Variants in CMIP observed in about 807,000 individuals in gnomAD.
CMIP encodes the protein c-Maf inducing protein.
Under a neutral mutation model 97.3 loss-of-function variants are expected in CMIP, and 13 were observed. The observed-to-expected ratio is 0.13, with a 90% CI of 0.09 to 0.21. The LOEUF is 0.21. Ranked by LOEUF, CMIP falls within the 10% of genes least tolerant of loss-of-function variation. The probability of loss-of-function intolerance (pLI) is 1.00; values close to 1 mark genes in which losing one functional copy is unlikely to be tolerated. For synonymous variants in CMIP, 538 were observed against 436.3 expected, an observed-to-expected ratio of 1.23 and a Z score of -2.91; for missense variants, 847 against 1,024.9, an observed-to-expected ratio of 0.83 and a Z score of 2.37.
chr16:81,498,668 A>C (rs1345371804), intron 1 of CMIP, among the ~76,000 whole-genome samples: 1 of 152,180 alleles, frequency 6.6e-6, no homozygotes, highest in East Asian at 1.9e-4. Context: ...ACGTGTGTGC[A>C]TGCATACACC....
rs116867614 is a variant in CMIP, at chr16:81,561,112, G to C, written c.301-46455G>C. On this transcript the variant is annotated intron_variant, in intron 1 of 20. Coordinates refer to ENST00000537098, the MANE Select transcript of CMIP (RefSeq NM_198390.3). ...TGGGATTACAGGCACATGCCACCAC[G>C]CTTGGCTACTTTTTGTAGTTTTTAT... 2.0e-3 allele frequency among the ~76,000 whole-genome samples: 297 copies of C among 152,266 alleles called. 10 individuals carry two copies. The East Asian group carries it at 0.048, about 25-fold the overall frequency.
intron 1 of CMIP, among the ~76,000 whole-genome samples, chr16:81,538,603 G>T (rs1277305733): frequency 6.6e-6 from 1 of 152,132 alleles, no homozygotes. Flanking sequence ...TCTTGGTCTG[G>T]TCTTGATCCT....
At chr16:81,549,121 G>A (rs1210072477) in intron 1 of CMIP, among the ~76,000 whole-genome samples, 1 of 152,228 alleles carries the variant, frequency 6.6e-6, no homozygotes, top group Non-Finnish European at 1.5e-5. Flanking sequence ...GTCAGGGAAA[G>A]GGGCTTTTCT....
intron 1 of CMIP, among the ~76,000 whole-genome samples, chr16:81,578,603 G>A (rs1026789116): frequency 6.6e-6 from 1 of 152,182 alleles, no homozygotes; most frequent in African/African-American, 2.4e-5. Flanking sequence ...GGTCCCTTCA[G>A]TCCATAAAGT....
At chr16:81,510,693 T>C (rs2089794401) in intron 1 of CMIP, among the ~76,000 whole-genome samples, 3 of 152,206 alleles carry the variant, frequency 2.0e-5, no homozygotes, top group Admixed American at 1.3e-4. Flanking sequence ...ACAAAAAAAA[T>C]CACAAATCAC....
At chr16:81,670,009 G>A (rs1487179819) in intron 7 of CMIP, 133 bp from the exon 8 acceptor site, 27 of 754,344 alleles carry the variant, frequency 3.6e-5, no homozygotes, top group Non-Finnish European at 5.6e-5. Flanking sequence ...GAGGGTTGGT[G>A]TCTCCCCATT....
At chr16:81,709,345 G>A (rs980725185) in intron 20 of CMIP, among the ~76,000 whole-genome samples, 7 of 152,166 alleles carry the variant, frequency 4.6e-5, no homozygotes, top group Admixed American at 4.6e-4. Flanking sequence ...TTAACCCCTA[G>A]CACCATCCTT....
At chr16:81,495,283 T>G (rs1017538331) in intron 1 of CMIP, 50 of 1,420,922 alleles carry the variant, frequency 3.5e-5, no homozygotes, top group Non-Finnish European at 4.4e-5. Context: ...AAGCAGAGGA[T>G]GAACCCTCTG....
chr16:81,636,670 T>C (rs920219484), intron 3 of CMIP, among the ~76,000 whole-genome samples: 4 of 152,048 alleles, frequency 2.6e-5, no homozygotes, highest in Non-Finnish European at 5.9e-5. Context: ...TTCCAATTTC[T>C]GAAATCTTTG....
chr16:81,660,420 G>A (rs367730585), intron 5 of CMIP, among the ~76,000 whole-genome samples: 11 of 151,898 alleles, frequency 7.2e-5, no homozygotes, highest in African/African-American at 1.7e-4. Flanking sequence ...TTACAGGGGC[G>A]CACACCACCA....
At chr16:81,473,374 G>A (rs1458844232) in intron 1 of CMIP, among the ~76,000 whole-genome samples, 1 of 152,206 alleles carries the variant, frequency 6.6e-6, no homozygotes, top group African/African-American at 2.4e-5. Context: ...TCAGGACTGA[G>A]CTGTTTTCCT....
chr16:81,644,741 T>C (rs1279563236), intron 3 of CMIP, among the ~76,000 whole-genome samples: 1 of 152,194 alleles, frequency 6.6e-6, no homozygotes, highest in Non-Finnish European at 1.5e-5. Context: ...CAGCCAGCCA[T>C]TGTCCCCGGG....
At chr16:81,583,088 G>C (rs1194635734) in intron 1 of CMIP, among the ~76,000 whole-genome samples, 1 of 152,244 alleles carries the variant, frequency 6.6e-6, no homozygotes, top group Admixed American at 6.5e-5. Context: ...AAGGGCCTTG[G>C]CACTCAGAGG....
intron 1 of CMIP, among the ~76,000 whole-genome samples, chr16:81,450,349 C>A (rs750044153): frequency 6.6e-6 from 1 of 152,148 alleles, no homozygotes; most frequent in Admixed American, 6.5e-5. Context: ...GTTCTCATGG[C>A]GCTGGATCTG....
chr16:81,577,169 A>G (rs964851704), intron 1 of CMIP, among the ~76,000 whole-genome samples: 1 of 145,308 alleles, frequency 6.9e-6, no homozygotes, highest in African/African-American at 2.7e-5. Flanking sequence ...CCACTACATT[A>G]TTATCACTAT....
intron 1 of CMIP, among the ~76,000 whole-genome samples, chr16:81,531,878 C>T (rs180986045): frequency 6.6e-6 from 1 of 152,310 alleles, no homozygotes; most frequent in Non-Finnish European, 1.5e-5. Flanking sequence ...ATTATCTCAC[C>T]TCCATTGCTA....
chr16:81,452,135 C>A (rs527728066), intron 1 of CMIP, among the ~76,000 whole-genome samples: 2 of 152,306 alleles, frequency 1.3e-5, no homozygotes, highest in Non-Finnish European at 1.5e-5. Flanking sequence ...GCACAGCGCT[C>A]GTCCTGGCAT....
At chr16:81,679,395 TTCTC>T (rs1199326250) in intron 10 of CMIP, among the ~76,000 whole-genome samples, 1 of 152,054 alleles carries the variant, frequency 6.6e-6, no homozygotes, top group Non-Finnish European at 1.5e-5. Context: ...GCATGTGTGT[TTCTC>T]TGTATGTTTG....
At chr16:81,500,299 C>CTTCCTTCCT (rs2089578431) in intron 1 of CMIP, among the ~76,000 whole-genome samples, 3 of 141,342 alleles carry the variant, frequency 2.1e-5, no homozygotes, top group Non-Finnish European at 4.6e-5. Flanking sequence ...TCCTTCCTTC[C>CTTCCTTCCT]TTCCTGCCTC....
Sources: allele counts gnomAD v4.1 joint callset (sites outside exome capture counted in the v4.1 genomes callset), GRCh38; gene constraint gnomAD v4.1.1; transcripts MANE v1.5; gene names NCBI Gene and HGNC (gene_info 2026-07-23, HGNC 2026-07-21).